LRRC69: variants seen among roughly 807,000 people sequenced by gnomAD.
LRRC69 encodes leucine rich repeat containing 69, also known as leucine-rich repeat-containing protein 69.
A neutral mutation model predicts 37.8 loss-of-function variants in LRRC69; 42 were observed. The observed-to-expected ratio is 1.11, with a 90% CI of 0.87 to 1.44. The LOEUF is 1.44. Among genes scored for constraint, LRRC69 ranks in the 40% most tolerant of loss-of-function variants. The probability of loss-of-function intolerance (pLI) is 0.00; values close to 1 mark genes in which losing one functional copy is unlikely to be tolerated. For synonymous variants in LRRC69, 141 were observed against 143.1 expected, an observed-to-expected ratio of 0.99 and a Z score of 0.11; for missense variants, 357 against 401.9, an observed-to-expected ratio of 0.89 and a Z score of 0.96.
At chr8:91,166,492 G>GAAAATAA (rs1809030536) in intron 5 of LRRC69, among the ~76,000 whole-genome samples, 1 of 95,298 alleles carries the variant, frequency 1.0e-5, no homozygotes, top group African/African-American at 5.1e-5. Context: ...AAAATAAACT[G>GAAAATAA]AAAAAAAAAA....
chr8:91,208,372 G>A (rs997766170), intron 7 of LRRC69, among the ~76,000 whole-genome samples: 11 of 152,160 alleles, frequency 7.2e-5, no homozygotes, highest in African/African-American at 2.7e-4. Flanking sequence ...TCAGTAGGGT[G>A]AGAAGACCAG....
intron 5 of LRRC69, among the ~76,000 whole-genome samples, chr8:91,179,050 C>T (rs1025503432): frequency 2.0e-5 from 3 of 152,136 alleles, no homozygotes; most frequent in Non-Finnish European, 4.4e-5. Context: ...TAATAATATC[C>T]TTTTCACTGA....
chr8:91,219,013 G>T, downstream of LRRC69: 2 of 1,445,378 alleles, frequency 1.4e-6, no homozygotes, highest in Non-Finnish European at 1.9e-6. Context: ...CAGGTGAGGT[G>T]CTCATTCATA....
At chr8:91,141,886 A>T (rs1808538950) in intron 5 of LRRC69, among the ~76,000 whole-genome samples, 1 of 151,930 alleles carries the variant, frequency 6.6e-6, no homozygotes, top group Non-Finnish European at 1.5e-5. Flanking sequence ...GGAAAGAAAA[A>T]ACATTATTAT....
At chr8:91,110,126 A>G (rs997605142) in intron 1 of LRRC69, among the ~76,000 whole-genome samples, 3 of 152,070 alleles carry the variant, frequency 2.0e-5, no homozygotes, top group Non-Finnish European at 4.4e-5. Flanking sequence ...TGACATGTAT[A>G]TTATATACTA....
Position 91,148,244 on chromosome 8 carries a change from C to G in LRRC69, c.651+12505C>G, listed in dbSNP as rs567994617. 2.6e-5 allele frequency among the ~76,000 whole-genome samples: 4 copies of G among 151,308 alleles called. No individual in the cohort carries two copies. The South Asian group carries it at 8.3e-4, about 32-fold the overall frequency. On this transcript the variant is annotated intron_variant, in intron 5 of 7. Transcript: ENST00000448384. ...CTATACCTCCCCGCTCCCCCCACCCCACATCAGGCCCCAGTGTGTGATGTT... is the reference window on the plus strand; with the variant it reads ...CTATACCTCCCCGCTCCCCCCACCCGACATCAGGCCCCAGTGTGTGATGTT...
chr8:91,190,905 C>T (rs1315833652), intron 6 of LRRC69, among the ~76,000 whole-genome samples: 2 of 151,898 alleles, frequency 1.3e-5, no homozygotes, highest in Admixed American at 1.3e-4. Context: ...ATTTTAAAAA[C>T]CTTAGCCAGG....
chr8:91,217,067 A>G (rs1014061482), intron 7 of LRRC69, among the ~76,000 whole-genome samples: 3 of 152,070 alleles, frequency 2.0e-5, no homozygotes, highest in African/African-American at 7.2e-5. Flanking sequence ...CTGCACTCAT[A>G]TAGAACCTAT....
chr8:91,148,490 C>T (rs79621703), intron 5 of LRRC69, among the ~76,000 whole-genome samples: 7,923 of 151,908 alleles, frequency 0.052, 290 homozygotes, highest in Middle Eastern at 0.16. Flanking sequence ...CATTGTTGGA[C>T]ATTTGGCTTG....
chr8:91,177,292 G>C (rs1440164401), intron 5 of LRRC69, among the ~76,000 whole-genome samples: 5 of 151,898 alleles, frequency 3.3e-5, no homozygotes. Context: ...GAGAAATTTT[G>C]GTATTCTCTA....
At chr8:91,205,152 A>G (rs2130635343) in intron 7 of LRRC69, among the ~76,000 whole-genome samples, 1 of 152,278 alleles carries the variant, frequency 6.6e-6, no homozygotes, top group African/African-American at 2.4e-5. Flanking sequence ...TATAAAAAAT[A>G]TGAATGAATG....
chr8:91,163,041 T>G (rs1808972039), intron 5 of LRRC69, among the ~76,000 whole-genome samples: 1 of 151,356 alleles, frequency 6.6e-6, no homozygotes, highest in Non-Finnish European at 1.5e-5. Context: ...GGCTTTTATT[T>G]TCCAGATCAT....
chr8:91,170,383 A>G (rs1363059571), intron 5 of LRRC69, among the ~76,000 whole-genome samples: 21 of 148,496 alleles, frequency 1.4e-4, no homozygotes, highest in East Asian at 2.0e-4. Context: ...GCCTTTCTTC[A>G]CAGAATTGGA....
chr8:91,102,938 G>T lies in LRRC69; in HGVS notation c.183+94G>T, dbSNP rs114576979. On this transcript the variant is annotated intron_variant, in intron 1 of 7. Coordinates refer to ENST00000448384, the Ensembl canonical transcript of LRRC69. Reference sequence around the variant, plus strand: ...GTAAGAGACAGAACAATAACACTTCGATCTATGGAGACTTAGGTATCTGGA... The same window carrying T: ...GTAAGAGACAGAACAATAACACTTCTATCTATGGAGACTTAGGTATCTGGA... 2.4e-4 allele frequency: 285 copies of T among 1,164,808 alleles called. 1 individual carries two copies. In the African/African-American group the frequency reaches 3.5e-3, roughly 14 times the overall value. 72.2% of individuals were successfully genotyped at this position (1,164,808 alleles called of 1,614,324 possible). A position where few individuals can be genotyped will look rare whatever the true frequency, so the allele number is the denominator to read the frequency against.
exon 1 of LRRC69, chr8:91,102,683 A>C (rs769316384): frequency 3.9e-6 from 6 of 1,550,808 alleles, no homozygotes; most frequent in Non-Finnish European, 5.2e-6. Flanking sequence ...ATTGTTAATA[A>C]AAGCATTGAG....
chr8:91,178,050 G>C lies in LRRC69; in HGVS notation c.652-11472G>C, dbSNP rs557440192. Among the ~76,000 whole-genome samples the C allele has an allele frequency of 4.4e-3, 672 of 152,014 alleles. 5 individuals are homozygous for C. The highest frequency in any genetic ancestry group is 0.015 in the African/African-American group (618 of 41,448). On this transcript the variant is annotated intron_variant, in intron 5 of 7. Transcript: ENST00000448384. ...TTTTTAGTAGAGACGGGGTTTCACC[G>C]TGTTAGCCAGGATGGTCTCGATCTC...
intron 5 of LRRC69, among the ~76,000 whole-genome samples, chr8:91,162,904 T>A (rs1429026665): frequency 6.6e-6 from 1 of 151,400 alleles, no homozygotes; most frequent in African/African-American, 2.4e-5. Context: ...GTCTACATGT[T>A]GTCAAACCTA....
chr8:91,113,605 A>G (rs1454084374), intron 1 of LRRC69, among the ~76,000 whole-genome samples: 1 of 151,994 alleles, frequency 6.6e-6, no homozygotes, highest in Non-Finnish European at 1.5e-5. Flanking sequence ...AAACTGTGAA[A>G]CTACTAAAAG....
chr8:91,212,515 T>G (rs1311060437), intron 7 of LRRC69, among the ~76,000 whole-genome samples: 1 of 152,158 alleles, frequency 6.6e-6, no homozygotes. Context: ...TGAAAATAAA[T>G]GAAAATTTGT....
Sources: allele counts gnomAD v4.1 joint callset (sites outside exome capture counted in the v4.1 genomes callset), GRCh38; gene constraint gnomAD v4.1.1; transcripts MANE v1.5; gene names NCBI Gene and HGNC (gene_info 2026-07-23, HGNC 2026-07-21).